Variants in AKAP9 observed in about 807,000 individuals in gnomAD.
AKAP9 encodes A-kinase anchor protein 9.
In AKAP9, 311 loss-of-function variants were observed where a neutral mutation model predicts 488.5. That is an observed-to-expected ratio of 0.64 (90% CI 0.58 to 0.70). The LOEUF (loss-of-function observed/expected upper bound fraction) is 0.70. AKAP9 is among the 30% of genes least tolerant of loss of function. The probability of loss-of-function intolerance (pLI) is 0.00; values close to 1 mark genes in which losing one functional copy is unlikely to be tolerated. For synonymous variants in AKAP9, 1,462 were observed against 1,483.5 expected (o/e 0.99, Z 0.33); for missense variants, 4,215 against 4,374.5 (o/e 0.96, Z 1.03).
chr7:92,087,743 C>T (rs185426070), intron 37 of AKAP9, among the ~76,000 whole-genome samples: 2 of 151,744 alleles, frequency 1.3e-5, no homozygotes, highest in Admixed American at 6.6e-5. Context: ...GGGAACATGT[C>T]GAAAGGTCAT....
At chr7:92,100,720 C>T in intron 44 of AKAP9, 136 bp from the exon 45 acceptor site, 1 of 921,492 alleles carries the variant, frequency 1.1e-6, no homozygotes, top group South Asian at 1.3e-5. Flanking sequence ...TGCGTAATGT[C>T]AATTGAGATT....
At chr7:92,025,475 G>A (rs1390602296) in intron 14 of AKAP9, among the ~76,000 whole-genome samples, 1 of 152,138 alleles carries the variant, frequency 6.6e-6, no homozygotes, top group Non-Finnish European at 1.5e-5. Context: ...TGTGTAAATA[G>A]CATCACATAT....
intron 36 of AKAP9, 42 bp from the exon 37 acceptor site, chr7:92,086,186 T>A: frequency 6.7e-7 from 1 of 1,487,320 alleles, no homozygotes; most frequent in Non-Finnish European, 9.4e-7. Flanking sequence ...TTTTAAAACA[T>A]GCTTATTTGA....
intron 38 of AKAP9, chr7:92,092,872 C>T (rs1024800585): frequency 2.6e-5 from 12 of 465,450 alleles, no homozygotes; most frequent in Non-Finnish European, 4.3e-5. Flanking sequence ...GTCTTGAACT[C>T]CTGGCCTTAA....
At position 92,001,938 on chromosome 7, in the gene AKAP9, T is replaced by C; in HGVS notation, c.2021T>C (p.Met674Thr). Residue 674 changes from methionine (M) to threonine (T), a missense_variant, in exon 8 of 50, where the codon ATG becomes ACG. This residue lies in a region of AKAP9 where 2,361 missense variants were observed against 2,430.0 expected (regional missense o/e 0.97). Coordinates refer to ENST00000356239, the MANE Select transcript of AKAP9 (RefSeq NM_005751.5). Reference protein sequence around the residue: ...KQQIDGLQNEMSQKIETMQFE... With the variant: ...KQQIDGLQNETSQKIETMQFE... Reference sequence around the variant, plus strand: ...CAGATAGATGGTTTACAGAATGAAATGAGTCAAAAGATAGAAACCATGCAG... The same window carrying C: ...CAGATAGATGGTTTACAGAATGAAACGAGTCAAAAGATAGAAACCATGCAG... 6.2e-7 allele frequency: 1 copy of C among 1,612,940 alleles called. No individual in the cohort carries two copies.
chr7:92,097,874 A>G, intron 42 of AKAP9, 80 bp downstream of exon 42: 4 of 1,401,412 alleles, frequency 2.9e-6, no homozygotes, highest in Non-Finnish European at 4.0e-6. Context: ...CAGCTAGCCA[A>G]GGGTGGGGAA....
At chr7:92,024,454 T>TTA (rs35046454) in intron 14 of AKAP9, among the ~76,000 whole-genome samples, 9 of 148,270 alleles carry the variant, frequency 6.1e-5, no homozygotes, top group African/African-American at 2.2e-4. Flanking sequence ...TATATATATA[T>TTA]TATATATATA....
intron 3 of AKAP9, 62 bp downstream of exon 3, chr7:91,980,395 C>A (rs577766527): frequency 7.1e-6 from 5 of 708,608 alleles, no homozygotes; most frequent in East Asian, 8.4e-5. Context: ...TTATTGAAAT[C>A]ATTGATTGTT....
chr7:92,075,149 C>T (rs1812369630), intron 28 of AKAP9, among the ~76,000 whole-genome samples: 1 of 151,932 alleles, frequency 6.6e-6, no homozygotes, highest in African/African-American at 2.4e-5. Flanking sequence ...ACCCAGCATG[C>T]TCCCACATGA....
At chr7:92,010,087 C>T (rs1021596574) in intron 8 of AKAP9, among the ~76,000 whole-genome samples, 47 of 152,146 alleles carry the variant, frequency 3.1e-4, no homozygotes, top group Middle Eastern at 3.4e-3. Flanking sequence ...AGGAGGATCT[C>T]GCTGTGTTGC....
chr7:91,980,363 T>A, intron 3 of AKAP9, 30 bp downstream of exon 3: 2 of 1,180,694 alleles, frequency 1.7e-6, no homozygotes, highest in Non-Finnish European at 2.4e-6. Context: ...ATTTCTAATA[T>A]CATAAATGTA....
At chr7:91,947,583 G>A (rs562988652) in intron 1 of AKAP9, among the ~76,000 whole-genome samples, 14 of 152,022 alleles carry the variant, frequency 9.2e-5, no homozygotes, top group Non-Finnish European at 1.8e-4. Flanking sequence ...CTTGTGATCC[G>A]TCCACCTTGG....
rs545440186 is a variant in AKAP9 at position 91,977,812 on chromosome 7, CTCTAT to C, written c.307-2471_307-2467del. ...AATATAACAAACCAATATTTGGGTTCTCTATTCTATAGTTTTAGCATTTTGAATGC... is the reference window on the plus strand; with the variant it reads ...AATATAACAAACCAATATTTGGGTTCTCTATAGTTTTAGCATTTTGAATGC... On this transcript the variant is annotated intron_variant, in intron 2 of 49. Coordinates refer to ENST00000356239, the MANE Select transcript of AKAP9 (RefSeq NM_005751.5). Among the ~76,000 whole-genome samples, 351 of 152,208 alleles carry C rather than the reference CTCTAT, an allele frequency of 2.3e-3. 1 individual carries two copies. Among genetic ancestry groups the C allele is most frequent in the Non-Finnish European group, 4.2e-3 (283 of 68,016 alleles).
At chr7:92,061,484 T>C in intron 23 of AKAP9, 62 bp downstream of exon 23, 1 of 1,582,566 alleles carries the variant, frequency 6.3e-7, no homozygotes, top group Non-Finnish European at 8.6e-7. Flanking sequence ...TAGAGATTTT[T>C]GATGCACAGC....
intron 3 of AKAP9, among the ~76,000 whole-genome samples, chr7:91,989,437 G>A (rs148748322): frequency 6.7e-4 from 102 of 152,140 alleles, no homozygotes; most frequent in African/African-American, 2.2e-3. Flanking sequence ...ATGAAGGGAC[G>A]TTTCATGTCC....
chr7:92,099,128 C>T (rs1227798409), intron 43 of AKAP9, among the ~76,000 whole-genome samples: 1 of 152,174 alleles, frequency 6.6e-6, no homozygotes, highest in South Asian at 2.1e-4. Context: ...CTTTCCTTCA[C>T]CCTTATCTGC....
chr7:91,948,855 C>G (rs1361499721), intron 1 of AKAP9, among the ~76,000 whole-genome samples: 4 of 150,840 alleles, frequency 2.7e-5, no homozygotes, highest in Non-Finnish European at 4.4e-5. Flanking sequence ...CTCAGGTGAT[C>G]TGCCCGCCTC....
At chr7:91,972,381 G>A (rs1795209446) in intron 1 of AKAP9, among the ~76,000 whole-genome samples, 1 of 152,170 alleles carries the variant, frequency 6.6e-6, no homozygotes, top group South Asian at 2.1e-4. Flanking sequence ...CTGTCAAGGA[G>A]CCCAAGTTGA....
chr7:92,085,568 A>T lies in AKAP9; in HGVS notation c.8906A>T (p.Glu2969Val), dbSNP rs1161066207. The stretch of plus-strand genomic sequence containing the variant: ...ACTGAGTCTCCCTATAGTGATGGAG[A>T]GGACCATTCTATTCAGCAGGTTTCA... Reference protein sequence around the residue: ...SLTESPYSDGEDHSIQQVSEP... With the variant: ...SLTESPYSDGVDHSIQQVSEP... Residue 2969 changes from glutamate (E) to valine (V), a missense_variant, in exon 36 of 50, where the codon GAG becomes GTG. Glu to Val is a moderately radical substitution (Grantham distance 121, BLOSUM62 -2). Coordinates refer to ENST00000356239, the MANE Select transcript of AKAP9 (RefSeq NM_005751.5). 1 of 1,614,036 alleles carries T rather than the reference A, an allele frequency of 6.2e-7. No individual in the cohort carries two copies. Among genetic ancestry groups the T allele is most frequent in the Admixed American group, 1.7e-5 (1 of 59,998 alleles).
Sources: allele counts gnomAD v4.1 joint callset (sites outside exome capture counted in the v4.1 genomes callset), GRCh38; gene constraint gnomAD v4.1.1; regional missense constraint gnomAD v4.1.1; transcripts MANE v1.5; gene names NCBI Gene and HGNC (gene_info 2026-07-23, HGNC 2026-07-21).